The following METTL16 variants were observed in gnomAD, a reference collection of about 807,000 sequenced individuals.
METTL16 encodes the protein methyltransferase 16, RNA N6-adenosine, also known as RNA N(6)-adenosine-methyltransferase METTL16.
In METTL16, 19 loss-of-function variants were observed where a neutral mutation model predicts 57.9. The observed-to-expected ratio is 0.33, with a 90% confidence interval of 0.23 to 0.48. The LOEUF (loss-of-function observed/expected upper bound fraction) is 0.48, where lower values mean the gene tolerates loss of function less well. Among genes scored for constraint, METTL16 ranks in the 20% least tolerant of loss-of-function variants. The pLI is 0.99. For missense variants in METTL16, 434 were observed against 691.5 expected, an observed-to-expected ratio of 0.63 and a Z score of 4.18; for synonymous variants, 246 against 255.6, an observed-to-expected ratio of 0.96 and a Z score of 0.36.
chr17:2,482,720 A>C (rs2151571470), intron 2 of METTL16, among the ~76,000 whole-genome samples: 1 of 152,312 alleles, frequency 6.6e-6, no homozygotes, highest in South Asian at 2.1e-4. Context: ...CAGCCTGGGC[A>C]ACATGGCGAA....
At chr17:2,432,319 G>A (rs959433040) in intron 8 of METTL16, among the ~76,000 whole-genome samples, 1 of 152,182 alleles carries the variant, frequency 6.6e-6, no homozygotes, top group Non-Finnish European at 1.5e-5. Flanking sequence ...TGTAATCCCA[G>A]CACTGTGGGA....
At chr17:2,441,979 T>C (rs1026462114) in intron 6 of METTL16, among the ~76,000 whole-genome samples, 11 of 152,358 alleles carry the variant, frequency 7.2e-5, no homozygotes, top group Admixed American at 7.2e-4. Flanking sequence ...TGTCCTCATC[T>C]GCACGTAATT....
At chr17:2,422,668 C>T (rs995875823) in intron 8 of METTL16, among the ~76,000 whole-genome samples, 8 of 151,958 alleles carry the variant, frequency 5.3e-5, no homozygotes, top group African/African-American at 1.2e-4. Context: ...CCGTGTCCAG[C>T]CTGAGAATTT....
At chr17:2,494,011 G>A (rs1181094482) in intron 2 of METTL16, among the ~76,000 whole-genome samples, 1 of 152,086 alleles carries the variant, frequency 6.6e-6, no homozygotes, top group Non-Finnish European at 1.5e-5. Context: ...CCTGTAACAA[G>A]TCTTTTTAAA....
chr17:2,501,108 G>A (rs528115608), intron 2 of METTL16, among the ~76,000 whole-genome samples: 50 of 152,060 alleles, frequency 3.3e-4, no homozygotes, highest in Middle Eastern at 6.8e-3. Flanking sequence ...CAGAGACTCC[G>A]TCTCAAAAAA....
At chr17:2,504,503 TA>T (rs575402706) in intron 1 of METTL16, among the ~76,000 whole-genome samples, 356 of 152,310 alleles carry the variant, frequency 2.3e-3, no homozygotes, top group Non-Finnish European at 4.3e-3. Flanking sequence ...ACAGTCTGTA[TA>T]TATGATCTAT....
At chr17:2,479,923 A>G (rs2067293003) in intron 2 of METTL16, among the ~76,000 whole-genome samples, 1 of 152,174 alleles carries the variant, frequency 6.6e-6, no homozygotes, top group African/African-American at 2.4e-5. Context: ...ACGGTGGCTC[A>G]CACCTGTAAT....
At chr17:2,469,370 C>T (rs968109653) in intron 4 of METTL16, among the ~76,000 whole-genome samples, 3 of 152,102 alleles carry the variant, frequency 2.0e-5, no homozygotes, top group Non-Finnish European at 4.4e-5. Context: ...ATGTTCAATA[C>T]TATGAAGAAA....
chr17:2,498,549 G>A (rs556491587), intron 2 of METTL16, among the ~76,000 whole-genome samples: 1 of 151,450 alleles, frequency 6.6e-6, no homozygotes, highest in Admixed American at 6.6e-5. Context: ...GACCAGCCTG[G>A]CCAACATGTT....
intron 6 of METTL16, among the ~76,000 whole-genome samples, chr17:2,443,569 CT>C (rs902610117): frequency 8.6e-5 from 13 of 151,366 alleles, no homozygotes; most frequent in Admixed American, 2.6e-4. Context: ...TCGCTGCAAG[CT>C]CCACCTCCTG....
At chr17:2,452,665 G>C (rs2067079651) in intron 6 of METTL16, among the ~76,000 whole-genome samples, 2 of 152,112 alleles carry the variant, frequency 1.3e-5, no homozygotes, top group Admixed American at 1.3e-4. Context: ...TTTCAGAAGA[G>C]TTGCAGGATT....
At chr17:2,423,505 A>G (rs1263230931) in intron 8 of METTL16, among the ~76,000 whole-genome samples, 1 of 152,196 alleles carries the variant, frequency 6.6e-6, no homozygotes, top group Non-Finnish European at 1.5e-5. Context: ...GGAGCTTACA[A>G]TAAGCGTATT....
intron 8 of METTL16, among the ~76,000 whole-genome samples, chr17:2,427,051 G>A (rs1267051704): frequency 6.6e-6 from 1 of 151,978 alleles, no homozygotes. Context: ...ACTGAGGCAG[G>A]AGAATAATAG....
intron 2 of METTL16, among the ~76,000 whole-genome samples, chr17:2,481,295 T>C (rs1372719584): frequency 6.7e-6 from 1 of 150,270 alleles, no homozygotes; most frequent in African/African-American, 2.4e-5. Flanking sequence ...ATCAACTACC[T>C]TGATAATGAT....
At chr17:2,436,793 A>G (rs2066911630) in intron 8 of METTL16, 1 of 121,044 alleles carries the variant, frequency 8.3e-6, no homozygotes, top group Non-Finnish European at 1.6e-5. Context: ...CCGGAAAATC[A>G]TTCAGTCTGG....
Position 2,445,711 on chromosome 17 carries a change from G to A in METTL16, c.729-4152C>T, listed in dbSNP as rs538421957. On this transcript the variant is annotated intron_variant, in intron 6 of 9. Transcript: ENST00000263092. ...TGAGACAGGAGAATTGCTTGAACCC[G>A]AGAGGCAGAGGTCACAGTGAGCTGA... Among the ~76,000 whole-genome samples the A allele has an allele frequency of 5.3e-5, 8 of 151,704 alleles. 1 individual carries two copies. The highest frequency in any genetic ancestry group is 1.3e-4 in the Admixed American group (2 of 15,220).
intron 2 of METTL16, among the ~76,000 whole-genome samples, chr17:2,486,064 T>C (rs1298112412): frequency 1.3e-5 from 2 of 152,166 alleles, no homozygotes; most frequent in African/African-American, 4.8e-5. Flanking sequence ...GCAGAACTTC[T>C]GGAGCATTCC....
intron 8 of METTL16, among the ~76,000 whole-genome samples, chr17:2,428,906 T>A (rs559267207): frequency 2.0e-5 from 3 of 152,264 alleles, no homozygotes; most frequent in Non-Finnish European, 4.4e-5. Flanking sequence ...TTGCCCAGGC[T>A]GGAGTGCAGT....
At chr17:2,453,881 G>A (rs2067089776) in intron 6 of METTL16, among the ~76,000 whole-genome samples, 2 of 152,026 alleles carry the variant, frequency 1.3e-5, no homozygotes, top group Admixed American at 6.6e-5. Context: ...TAACATACAT[G>A]AAAAATCTAA....
Sources: gnomAD v4.1 joint callset for allele counts (sites outside exome capture counted in the v4.1 genomes callset) on GRCh38, gnomAD v4.1.1 for gene constraint, MANE v1.5 for transcripts, NCBI Gene and HGNC (gene_info 2026-07-23, HGNC 2026-07-21) for gene names.